The following DPYSL2 variants were observed in gnomAD, a reference collection of about 807,000 sequenced individuals.
The protein encoded by DPYSL2 is dihydropyrimidinase-related protein 2.
In DPYSL2, 13 loss-of-function variants were observed where a neutral mutation model predicts 69.9. The ratio of observed to expected loss-of-function variants is 0.19; its 90% CI spans 0.12 to 0.30. DPYSL2 has a LOEUF of 0.30. DPYSL2 is among the 10% of genes least tolerant of loss of function. The probability of loss-of-function intolerance (pLI) is 1.00; values close to 1 mark genes in which losing one functional copy is unlikely to be tolerated. For missense variants in DPYSL2, 587 were observed against 918.9 expected, an observed-to-expected ratio of 0.64 and a Z score of 4.67; for synonymous variants, 326 against 359.1, an observed-to-expected ratio of 0.91 and a Z score of 1.04.
rs949371879 is a variant in DPYSL2, at chr8:26,514,773, G to A, written c.354+94G>A. The A allele has an allele frequency of 1.8e-6, 2 of 1,127,084 alleles. No individual in the cohort carries two copies. The highest frequency in any genetic ancestry group is 2.3e-6 in the Non-Finnish European group (2 of 853,182). 69.8% of individuals were successfully genotyped at this position (1,127,084 alleles called of 1,614,324 possible). On this transcript the variant is annotated intron_variant, in intron 1 of 13. Transcript: ENST00000521913. The surrounding 1 kb of genome is among the most constrained non-coding windows in gnomAD (Gnocchi z 8.4). The stretch of plus-strand genomic sequence containing the variant: ...CCCGGCGCGCCCGCCTTCATGCCCC[G>A]CCCTGGACCTCGCCTCCCGCATCTG...
intron 3 of DPYSL2, among the ~76,000 whole-genome samples, chr8:26,596,814 C>G (rs149322443): frequency 6.6e-6 from 1 of 152,154 alleles, no homozygotes; most frequent in Admixed American, 6.5e-5. Flanking sequence ...TCCTAGAATG[C>G]GAGAGGAACG....
chr8:26,573,720 C>A lies in DPYSL2; in HGVS notation c.355-8249C>A, dbSNP rs1801278091. 2.0e-5 allele frequency among the ~76,000 whole-genome samples: 3 copies of A among 150,534 alleles called. No individual in the cohort carries two copies. The South Asian group carries it at 6.3e-4, about 32-fold the overall frequency. On this transcript the variant is annotated intron_variant, in intron 1 of 13. Coordinates refer to ENST00000521913, the MANE Select transcript of DPYSL2 (RefSeq NM_001197293.3). The stretch of plus-strand genomic sequence containing the variant: ...GGCGTGGTGGTGGGCACCTGTAATC[C>A]CAGCTACTCGGGAGGCTGAGGCAGG...
At chr8:26,543,336 C>T (rs1334374659) in intron 1 of DPYSL2, among the ~76,000 whole-genome samples, 1 of 152,208 alleles carries the variant, frequency 6.6e-6, no homozygotes, top group Admixed American at 6.5e-5. Context: ...ATACATCTCT[C>T]CCTTCACACT....
chr8:26,543,013 A>T (rs549888411), intron 1 of DPYSL2, among the ~76,000 whole-genome samples: 1 of 152,366 alleles, frequency 6.6e-6, no homozygotes, highest in Admixed American at 6.5e-5. Context: ...GTTAGAAAAA[A>T]GTATAATCCC....
rs1396390957 is a variant in DPYSL2 at position 26,617,654 on chromosome 8, C to T, written c.629-6489C>T. On this transcript the variant is annotated intron_variant, in intron 3 of 13. Transcript: ENST00000521913. This position sits in a 1 kb window ranked among gnomAD's most constrained non-coding sequence, Gnocchi z 4.7. Reference sequence around the variant, plus strand: ...CAAAATGCAGAACATTAGGGAACCGCTTGAGGCAGGAGGGGAAGGAAGCAC... The same window carrying T: ...CAAAATGCAGAACATTAGGGAACCGTTTGAGGCAGGAGGGGAAGGAAGCAC... 1.3e-5 allele frequency among the ~76,000 whole-genome samples: 2 copies of T among 152,312 alleles called. No homozygotes were observed. Among genetic ancestry groups the T allele is most frequent in the East Asian group, 3.9e-4 (2 of 5,190 alleles).
In DPYSL2 at chr8:26,533,095, C is replaced by T. The variant is rs1358507315; in HGVS notation, c.354+18416C>T. 6.6e-6 allele frequency among the ~76,000 whole-genome samples: 1 copy of T among 152,140 alleles called. No individual in the cohort carries two copies. The highest frequency in any genetic ancestry group is 1.5e-5 in the Non-Finnish European group (1 of 68,026). ...TCCTACTGGGTATGAGTCAGTATCT[C>T]TTGTGGCTTTGGTTTGTATTTCCCT... On this transcript the variant is annotated intron_variant, in intron 1 of 13. Transcript: ENST00000521913. This position sits in a 1 kb window ranked among gnomAD's most constrained non-coding sequence, Gnocchi z 4.8.
chr8:26,655,218 C>T (rs1348106121), intron 13 of DPYSL2, among the ~76,000 whole-genome samples: 1 of 152,004 alleles, frequency 6.6e-6, no homozygotes, highest in Admixed American at 6.5e-5. Context: ...AATGTGAGGC[C>T]GGGCAGGGTG....
At chr8:26,595,366 A>G (rs936139061) in intron 3 of DPYSL2, among the ~76,000 whole-genome samples, 1 of 152,138 alleles carries the variant, frequency 6.6e-6, no homozygotes, top group Non-Finnish European at 1.5e-5. Context: ...TTTTCTTGAC[A>G]ACACATCTGG....
rs749111397 is a variant in DPYSL2 at position 26,653,297 on chromosome 8, G to C, written c.1842G>C (p.Thr614=). The change falls in exon 13 of 14, where the codon ACG becomes ACC. Residue 614 remains threonine, a synonymous_variant. Coordinates refer to ENST00000521913, the MANE Select transcript of DPYSL2 (RefSeq NM_001197293.3). The surrounding 1 kb of genome is among the most constrained non-coding windows in gnomAD (Gnocchi z 5.7). The part of the protein sequence containing the change: ...YDGPVCEVSV[T]PKTVTPASSA... ...GACCTGTGTGTGAAGTGTCTGTGAC[G>C]CCCAAGACAGTCACTCCAGCCTCCT... is the stretch of plus-strand genomic sequence containing the variant. The C allele has an allele frequency of 2.5e-6, 4 of 1,613,964 alleles. No homozygotes were observed. The African/African-American group carries it at 5.3e-5, about 22-fold the overall frequency.
At chr8:26,600,026 A>G (rs1801955738) in intron 3 of DPYSL2, among the ~76,000 whole-genome samples, 1 of 152,204 alleles carries the variant, frequency 6.6e-6, no homozygotes, top group Non-Finnish European at 1.5e-5. Context: ...GTGGCCTTTT[A>G]TAGCTGGCTT....
intron 1 of DPYSL2, among the ~76,000 whole-genome samples, chr8:26,521,488 T>C (rs1808383847): frequency 6.9e-6 from 1 of 144,768 alleles, no homozygotes. Context: ...TTTTTTTTTT[T>C]CTTATAATCG....
intron 1 of DPYSL2, among the ~76,000 whole-genome samples, chr8:26,544,219 C>T (rs1434603503): frequency 6.6e-6 from 1 of 152,052 alleles, no homozygotes; most frequent in African/African-American, 2.4e-5. Context: ...ATAAACATAG[C>T]CAAGTAAAAG....
rs1802372998 is a variant in DPYSL2 at position 26,617,144 on chromosome 8, A to G, written c.629-6999A>G. 6.6e-6 allele frequency among the ~76,000 whole-genome samples: 1 copy of G among 152,186 alleles called. No individual in the cohort carries two copies. Among genetic ancestry groups the G allele is most frequent in the Non-Finnish European group, 1.5e-5 (1 of 68,034 alleles). On this transcript the variant is annotated intron_variant, in intron 3 of 13. Transcript: ENST00000521913. This position sits in a 1 kb window ranked among gnomAD's most constrained non-coding sequence, Gnocchi z 4.7. Reference sequence around the variant, plus strand: ...AACTCATGATATTGGGTTCTCTATCAGTGTCGCTCCCTGGCTGTAATATTG... The same window carrying G: ...AACTCATGATATTGGGTTCTCTATCGGTGTCGCTCCCTGGCTGTAATATTG...
chr8:26,599,962 T>C (rs1229834202), intron 3 of DPYSL2, among the ~76,000 whole-genome samples: 1 of 152,120 alleles, frequency 6.6e-6, no homozygotes, highest in Non-Finnish European at 1.5e-5. Flanking sequence ...AACCACTACA[T>C]TTCTATAGCG....
intron 7 of DPYSL2, among the ~76,000 whole-genome samples, chr8:26,633,691 G>T (rs1332351633): frequency 6.6e-6 from 1 of 151,692 alleles, no homozygotes; most frequent in Admixed American, 6.6e-5. Flanking sequence ...GGTCAGGCTG[G>T]TCTCGAACTC....
chr8:26,652,466 G>T lies in DPYSL2; in HGVS notation c.1776+30G>T. On this transcript the variant is annotated intron_variant, in intron 12 of 13. Transcript: ENST00000521913. This position sits in a 1 kb window ranked among gnomAD's most constrained non-coding sequence, Gnocchi z 6.3. Reference sequence around the variant, plus strand: ...GTAGTTTTGTTCTGATGAATTTTTTGTTAAATCACGAATTAAGTTCAAGGC... The same window carrying T: ...GTAGTTTTGTTCTGATGAATTTTTTTTTAAATCACGAATTAAGTTCAAGGC... 1 of 1,573,594 alleles carries T rather than the reference G, an allele frequency of 6.4e-7. No homozygotes were observed.
chr8:26,577,608 T>TC (rs1185183119), intron 1 of DPYSL2, among the ~76,000 whole-genome samples: 1 of 146,058 alleles, frequency 6.8e-6, no homozygotes, highest in African/African-American at 2.6e-5. Flanking sequence ...GTGCCGCCCC[T>TC]CCCCCCGGCC....
At chr8:26,563,245 T>C (rs1053446696) in intron 1 of DPYSL2, among the ~76,000 whole-genome samples, 3 of 152,220 alleles carry the variant, frequency 2.0e-5, no homozygotes, top group Non-Finnish European at 4.4e-5. Context: ...ACTAGACTCC[T>C]TTCTGTTCCC....
chr8:26,648,648 G>A lies in DPYSL2; in HGVS notation c.1596+848G>A, dbSNP rs1371528176. On this transcript the variant is annotated intron_variant, in intron 11 of 13. Transcript: ENST00000521913. The surrounding 1 kb of genome is among the most constrained non-coding windows in gnomAD (Gnocchi z 4.3). ...CCTCGGGCAGAAGAGTTTCGTGTCA[G>A]GAACTCATTTGAATCTTGAAGACAG... Among the ~76,000 whole-genome samples, 2 of 152,228 alleles carry A rather than the reference G, an allele frequency of 1.3e-5. No homozygotes were observed. The highest frequency in any genetic ancestry group is 2.9e-5 in the Non-Finnish European group (2 of 68,046).
Sources: gnomAD v4.1 joint callset for allele counts (sites outside exome capture counted in the v4.1 genomes callset) on GRCh38, gnomAD v4.1.1 for gene constraint, Gnocchi (gnomAD v3.1) non-coding constraint, MANE v1.5 for transcripts, NCBI Gene and HGNC (gene_info 2026-07-23, HGNC 2026-07-21) for gene names.